The following SGCZ variants were observed in gnomAD, a reference collection of about 807,000 sequenced individuals.
The protein encoded by SGCZ is sarcoglycan zeta.
In SGCZ, 40 loss-of-function variants were observed where a neutral mutation model predicts 41.3. The observed-to-expected ratio is 0.97, with a 90% CI of 0.75 to 1.26. The LOEUF (loss-of-function observed/expected upper bound fraction) is 1.26, where lower values mean the gene tolerates loss of function less well. Among genes scored for constraint, SGCZ ranks in the 50% most tolerant of loss-of-function variants. SGCZ has a pLI of 0.00. For synonymous variants in SGCZ, 206 were observed against 137.5 expected (o/e 1.50, Z -3.49); for missense variants, 552 against 369.8 (o/e 1.49, Z -4.04).
chr8:15,174,861 G>C (rs1474855182), intron 1 of SGCZ, among the ~76,000 whole-genome samples: 1 of 152,186 alleles, frequency 6.6e-6, no homozygotes, highest in Non-Finnish European at 1.5e-5. Flanking sequence ...TGCTGGTAAG[G>C]TTGTGGAGTC....
intron 2 of SGCZ, among the ~76,000 whole-genome samples, chr8:14,403,459 A>G (rs994748238): frequency 1.3e-5 from 2 of 151,694 alleles, no homozygotes; most frequent in African/African-American, 2.4e-5. Flanking sequence ...TTTGAAATAC[A>G]TCCCATCAAT....
chr8:14,790,893 T>C (rs1800928576), intron 1 of SGCZ, among the ~76,000 whole-genome samples: 1 of 151,682 alleles, frequency 6.6e-6, no homozygotes, highest in Admixed American at 6.6e-5. Flanking sequence ...TTGCGCAGGG[T>C]GGTGGTGCGC....
chr8:14,668,191 C>T (rs532205246), intron 1 of SGCZ, among the ~76,000 whole-genome samples: 1 of 152,140 alleles, frequency 6.6e-6, no homozygotes, highest in Non-Finnish European at 1.5e-5. Context: ...AACTCCTGAC[C>T]TCAGGTTATC....
rs150073279 is a variant in SGCZ at position 14,526,717 on chromosome 8, T to G, written c.234+28015A>C. Among the ~76,000 whole-genome samples, 1,355 of 152,234 alleles carry G rather than the reference T, an allele frequency of 8.9e-3. 22 individuals carry two copies. Among genetic ancestry groups the G allele is most frequent in the African/African-American group, 0.031 (1,301 of 41,548 alleles). On this transcript the variant is annotated intron_variant, in intron 2 of 7. Transcript: ENST00000382080. ...TAGTAGTTTCATTGTTCTGAGAGTG[T>G]GAAATGCATATCACATCAACTCCTA...
chr8:14,422,476 T>A (rs1370380147), intron 2 of SGCZ, among the ~76,000 whole-genome samples: 1 of 152,174 alleles, frequency 6.6e-6, no homozygotes, highest in Non-Finnish European at 1.5e-5. Flanking sequence ...AAATCTCGTT[T>A]CAAACTTCAG....
At chr8:14,427,155 T>C (rs1799811061) in intron 2 of SGCZ, among the ~76,000 whole-genome samples, 1 of 151,990 alleles carries the variant, frequency 6.6e-6, no homozygotes, top group African/African-American at 2.4e-5. Flanking sequence ...GTAGAAGCAA[T>C]GTGTACACTA....
intron 4 of SGCZ, among the ~76,000 whole-genome samples, chr8:14,185,493 A>G (rs922020796): frequency 6.6e-6 from 1 of 152,096 alleles, no homozygotes; most frequent in Non-Finnish European, 1.5e-5. Flanking sequence ...TATCTACCAT[A>G]TACTTTATTT....
At chr8:14,336,440 T>C (rs552084998) in intron 2 of SGCZ, among the ~76,000 whole-genome samples, 104 of 152,180 alleles carry the variant, frequency 6.8e-4, no homozygotes, top group Non-Finnish European at 1.2e-3. Context: ...ATTATATTCC[T>C]TTGGGTATAT....
Position 14,812,638 on chromosome 8 carries a change from T to C in SGCZ, c.40-257712A>G, listed in dbSNP as rs2251091. Among the ~76,000 whole-genome samples, 570 of 152,204 alleles carry C rather than the reference T, an allele frequency of 3.7e-3. 6 individuals are homozygous for C. The highest frequency in any genetic ancestry group is 0.013 in the African/African-American group (522 of 41,560). On this transcript the variant is annotated intron_variant, in intron 1 of 7. Coordinates refer to ENST00000382080, the MANE Select transcript of SGCZ (RefSeq NM_139167.4). ...AAAATATATTCAGCACAAAACTATATAAGTGAGCTAAAATATCATATAATT... is the reference window on the plus strand; with the variant it reads ...AAAATATATTCAGCACAAAACTATACAAGTGAGCTAAAATATCATATAATT...
intron 1 of SGCZ, among the ~76,000 whole-genome samples, chr8:14,773,389 C>A (rs1347768527): frequency 6.6e-6 from 1 of 152,048 alleles, no homozygotes; most frequent in Non-Finnish European, 1.5e-5. Flanking sequence ...GAGAGCAAAA[C>A]AAACAAAAGA....
intron 1 of SGCZ, among the ~76,000 whole-genome samples, chr8:14,972,858 A>G (rs1433647213): frequency 6.6e-6 from 1 of 152,166 alleles, no homozygotes; most frequent in Non-Finnish European, 1.5e-5. Flanking sequence ...CATTACTAAC[A>G]CTTTTCTTTA....
intron 1 of SGCZ, among the ~76,000 whole-genome samples, chr8:15,095,577 A>G (rs1393965829): frequency 6.6e-6 from 1 of 152,200 alleles, no homozygotes; most frequent in Non-Finnish European, 1.5e-5. Context: ...ATTCCTCACA[A>G]ATATGAGGGT....
At chr8:14,660,645 G>T (rs994224779) in intron 1 of SGCZ, among the ~76,000 whole-genome samples, 1 of 151,342 alleles carries the variant, frequency 6.6e-6, no homozygotes, top group Non-Finnish European at 1.5e-5. Flanking sequence ...TTCAGGAAAG[G>T]TCTCTGAGGA....
At chr8:15,127,187 C>T (rs1032853409) in intron 1 of SGCZ, among the ~76,000 whole-genome samples, 1 of 151,592 alleles carries the variant, frequency 6.6e-6, no homozygotes, top group Admixed American at 6.6e-5. Context: ...AACTATTATC[C>T]CCTAAGACAT....
chr8:14,193,197 A>G (rs563563318), intron 4 of SGCZ, among the ~76,000 whole-genome samples: 1 of 151,864 alleles, frequency 6.6e-6, no homozygotes, highest in Non-Finnish European at 1.5e-5. Context: ...AGAAACATCC[A>G]TTTTACTCCT....
chr8:14,866,308 A>G (rs375831638), intron 1 of SGCZ, among the ~76,000 whole-genome samples: 7 of 152,156 alleles, frequency 4.6e-5, no homozygotes, highest in East Asian at 1.9e-4. Flanking sequence ...CTCGGGGCCA[A>G]TCAATGGAAT....
intron 2 of SGCZ, among the ~76,000 whole-genome samples, chr8:14,365,200 C>T (rs2117144308): frequency 6.6e-6 from 1 of 152,132 alleles, no homozygotes; most frequent in East Asian, 1.9e-4. Flanking sequence ...TACCTACTTA[C>T]AGATTTTATA....
intron 1 of SGCZ, among the ~76,000 whole-genome samples, chr8:14,955,837 T>C (rs1373685383): frequency 2.0e-5 from 3 of 152,272 alleles, no homozygotes; most frequent in Non-Finnish European, 1.5e-5. Context: ...AGCCCACTTC[T>C]ACTTTATGAG....
intron 1 of SGCZ, among the ~76,000 whole-genome samples, chr8:15,192,398 A>T (rs1800571872): frequency 6.6e-6 from 1 of 152,174 alleles, no homozygotes; most frequent in Non-Finnish European, 1.5e-5. Flanking sequence ...GCTGAAATAT[A>T]ACAGTTTGTT....
Sources: allele counts gnomAD v4.1 joint callset (sites outside exome capture counted in the v4.1 genomes callset), GRCh38; gene constraint gnomAD v4.1.1; transcripts MANE v1.5; gene names NCBI Gene and HGNC (gene_info 2026-07-23, HGNC 2026-07-21).